CDH13: variants seen among roughly 807,000 people sequenced by gnomAD.
CDH13 encodes cadherin-13.
A neutral mutation model predicts 63.8 loss-of-function variants in CDH13; 24 were observed. That is an observed-to-expected ratio of 0.38 (90% CI 0.27 to 0.53). The LOEUF is 0.53. CDH13 is among the 20% of genes least tolerant of loss of function. The probability of loss-of-function intolerance (pLI) is 0.85; values close to 1 mark genes in which losing one functional copy is unlikely to be tolerated. For synonymous variants in CDH13, 503 were observed against 355.3 expected, an observed-to-expected ratio of 1.42 and a Z score of -4.67; for missense variants, 1,049 against 903.1, an observed-to-expected ratio of 1.16 and a Z score of -2.07.
chr16:82,659,403 C>T (rs529094970), intron 1 of CDH13, among the ~76,000 whole-genome samples: 12 of 152,292 alleles, frequency 7.9e-5, no homozygotes, highest in East Asian at 3.9e-4. Context: ...TACGGAAGCA[C>T]GGGACTCTGG....
intron 2 of CDH13, among the ~76,000 whole-genome samples, chr16:82,942,969 G>A (rs1904313448): frequency 6.6e-6 from 1 of 152,060 alleles, no homozygotes. Context: ...TTACCTCCTT[G>A]GAAAAGCTGA....
intron 1 of CDH13, among the ~76,000 whole-genome samples, chr16:82,709,182 G>A (rs1455226540): frequency 1.3e-5 from 2 of 152,156 alleles, no homozygotes; most frequent in African/African-American, 4.8e-5. Context: ...TACGCCCTTA[G>A]CAGTTCTCAA....
At chr16:83,770,807 C>T (rs547250623) in intron 11 of CDH13, among the ~76,000 whole-genome samples, 1 of 152,258 alleles carries the variant, frequency 6.6e-6, no homozygotes, top group African/African-American at 2.4e-5. Flanking sequence ...TTTTGGCCAG[C>T]TTCTGTACTG....
At chr16:83,009,367 G>T (rs956367302) in intron 2 of CDH13, among the ~76,000 whole-genome samples, 1 of 152,222 alleles carries the variant, frequency 6.6e-6, no homozygotes, top group Non-Finnish European at 1.5e-5. Context: ...TCAAAGAGAG[G>T]AGCAGTGAAC....
intron 6 of CDH13, among the ~76,000 whole-genome samples, chr16:83,465,572 T>G (rs1335180858): frequency 6.6e-6 from 1 of 152,194 alleles, no homozygotes; most frequent in African/African-American, 2.4e-5. Context: ...GCCTTTTTAA[T>G]TGATAAGAGC....
At chr16:82,928,959 T>C (rs941856893) in intron 2 of CDH13, among the ~76,000 whole-genome samples, 13 of 152,216 alleles carry the variant, frequency 8.5e-5, no homozygotes, top group African/African-American at 2.9e-4. Flanking sequence ...AGGTTCAATA[T>C]TACCAAAGTG....
intron 3 of CDH13, among the ~76,000 whole-genome samples, chr16:83,106,819 G>A (rs1234676896): frequency 6.6e-6 from 1 of 151,910 alleles, no homozygotes; most frequent in Non-Finnish European, 1.5e-5. Flanking sequence ...GATACAGGAT[G>A]GTAAATAAAT....
At chr16:82,933,271 T>G (rs1034212892) in intron 2 of CDH13, among the ~76,000 whole-genome samples, 10 of 152,136 alleles carry the variant, frequency 6.6e-5, no homozygotes, top group African/African-American at 2.4e-4. Flanking sequence ...AGCAAATATG[T>G]CCTTCACATG....
In CDH13 at chr16:83,241,966, T is replaced by C. The variant is rs1453121170; in HGVS notation, c.636+24469T>C. Among the ~76,000 whole-genome samples, 6 of 152,294 alleles carry C rather than the reference T, an allele frequency of 3.9e-5. No individual in the cohort carries two copies. In the East Asian group the frequency reaches 1.2e-3, roughly 29 times the overall value. ...TTTTCCACTAGCAGTTGTATAGTTT[T>C]AGGTCTCACATTTAGGTCTTTAATC... On this transcript the variant is annotated intron_variant, in intron 5 of 13. Coordinates refer to ENST00000567109, the MANE Select transcript of CDH13 (RefSeq NM_001257.5).
At chr16:83,454,806 C>T (rs1226870661) in intron 6 of CDH13, among the ~76,000 whole-genome samples, 1 of 152,018 alleles carries the variant, frequency 6.6e-6, no homozygotes, top group Non-Finnish European at 1.5e-5. Context: ...TCCCGGGTTC[C>T]AGCAATTCTC....
chr16:83,220,488 T>C (rs1001922778), intron 5 of CDH13, among the ~76,000 whole-genome samples: 1 of 152,152 alleles, frequency 6.6e-6, no homozygotes, highest in Non-Finnish European at 1.5e-5. Flanking sequence ...TTTTAGTTTC[T>C]AGTCTTGCAA....
intron 1 of CDH13, among the ~76,000 whole-genome samples, chr16:82,743,099 T>C (rs1258727197): frequency 6.6e-6 from 1 of 152,256 alleles, no homozygotes; most frequent in Non-Finnish European, 1.5e-5. Flanking sequence ...CAACACCTTT[T>C]ATTTCTCAGT....
chr16:83,255,339 G>C (rs1317703712), intron 5 of CDH13, among the ~76,000 whole-genome samples: 1 of 152,192 alleles, frequency 6.6e-6, no homozygotes, highest in African/African-American at 2.4e-5. Context: ...ACTACGGCTG[G>C]TTGCAAGGAG....
intron 3 of CDH13, among the ~76,000 whole-genome samples, chr16:83,073,532 A>G (rs2032607230): frequency 1.3e-5 from 2 of 152,070 alleles, no homozygotes; most frequent in South Asian, 4.1e-4. Flanking sequence ...AATTCCCCAC[A>G]TTTTGTTCCC....
intron 1 of CDH13, among the ~76,000 whole-genome samples, chr16:82,733,704 T>G (rs1465815232): frequency 6.6e-6 from 1 of 152,200 alleles, no homozygotes; most frequent in Admixed American, 6.5e-5. Flanking sequence ...GGTCTTTTAG[T>G]AAGGCTTATG....
chr16:83,344,890 G>T lies in CDH13; in HGVS notation c.665G>T (p.Gly222Val). ...QLFVETTDVNGKTLEGPVPLE... is the reference protein window; with the variant it reads ...QLFVETTDVNVKTLEGPVPLE... ...TTTGTGGAGACCACTGATGTCAATG[G>T]CAAAACTCTCGAGGGGCCGGTGCCT... Residue 222 changes from glycine to valine, a missense_variant, in exon 6 of 14, where the codon GGC (glycine) becomes GTC (valine). Physicochemically the swap from Gly to Val is moderately radical, Grantham distance 109. Transcript: ENST00000567109. 1 of 1,613,888 alleles carries T rather than the reference G, an allele frequency of 6.2e-7. No individual in the cohort carries two copies. The highest frequency in any genetic ancestry group is 8.5e-7 in the Non-Finnish European group (1 of 1,179,806).
In CDH13 at chr16:83,799,918, G is replaced by T. The variant is rs1438139954; in HGVS notation, c.*4888G>T. On this transcript the variant is annotated 3_prime_UTR_variant, in exon 14 of 14. Transcript: ENST00000567109. ...ATGGTGGGAATGGGTGTGTGTATGA[G>T]GGTTTCAGATAAGAACTTCAATTAT... 1 of 151,788 alleles carries T rather than the reference G, an allele frequency of 6.6e-6. No individual in the cohort carries two copies. The highest frequency in any genetic ancestry group is 2.1e-4 in the South Asian group (1 of 4,812). The allele number at this position is 151,788 out of a possible 1,614,324, so 9.4% of individuals were successfully genotyped here. A position where few individuals can be genotyped will look rare whatever the true frequency, so the allele number is the denominator to read the frequency against.
Position 83,739,230 on chromosome 16 carries a change from T to C in CDH13, c.1539-8878T>C, listed in dbSNP as rs181633097. On this transcript the variant is annotated intron_variant, in intron 10 of 13. Coordinates refer to ENST00000567109, the MANE Select transcript of CDH13 (RefSeq NM_001257.5). ...GGAGTCAAGAATTTTGCTAATGCCA[T>C]GTGGAGGGTGTCTACGTGACCAGCC... Among the ~76,000 whole-genome samples the C allele has an allele frequency of 2.6e-5, 4 of 152,112 alleles. No individual in the cohort carries two copies. In the East Asian group the frequency reaches 5.8e-4, roughly 22 times the overall value.
In CDH13 at chr16:83,498,192, C is replaced by T. The variant is rs749024851; in HGVS notation, c.960+11537C>T. On this transcript the variant is annotated intron_variant, in intron 7 of 13. Transcript: ENST00000567109. Reference sequence around the variant, plus strand: ...TGAGAGGAGAGGGGGCAAGGGGAGACGGAGATGGGAACAGAAGATTTCCCA... The same window carrying T: ...TGAGAGGAGAGGGGGCAAGGGGAGATGGAGATGGGAACAGAAGATTTCCCA... Among the ~76,000 whole-genome samples, 10 of 152,212 alleles carry T rather than the reference C, an allele frequency of 6.6e-5. No homozygotes were observed. The South Asian group carries it at 1.0e-3, about 16-fold the overall frequency.
Sources: allele counts gnomAD v4.1 joint callset (sites outside exome capture counted in the v4.1 genomes callset), GRCh38; gene constraint gnomAD v4.1.1; transcripts MANE v1.5; gene names NCBI Gene and HGNC (gene_info 2026-07-23, HGNC 2026-07-21).